Variants in MTHFD2L observed in about 807,000 individuals in gnomAD.
MTHFD2L encodes methylenetetrahydrofolate dehydrogenase (NADP+ dependent) 2 like.
MTHFD2L carries 29 observed loss-of-function variants against 34.9 expected under a neutral mutation model. The ratio of observed to expected loss-of-function variants is 0.83; its 90% CI spans 0.62 to 1.13. MTHFD2L has a LOEUF of 1.13. Ranked by LOEUF, MTHFD2L falls within the 50% of genes most tolerant of loss-of-function variation. The pLI is 0.00. For synonymous variants in MTHFD2L, 167 were observed against 155.7 expected (o/e 1.07, Z -0.54); for missense variants, 481 against 446.5 (o/e 1.08, Z -0.70).
At chr4:74,167,454 A>G (rs1245806086) in intron 1 of MTHFD2L, among the ~76,000 whole-genome samples, 1 of 152,260 alleles carries the variant, frequency 6.6e-6, no homozygotes, top group Non-Finnish European at 1.5e-5. Flanking sequence ...ATGGAGAGCT[A>G]CAGGCTGCCT....
Position 74,281,519 on chromosome 4 carries a change from G to A in MTHFD2L, c.900G>A (p.Lys300=), listed in dbSNP as rs765368494. ...ATGTCCACGATCCAGTGACAGGAAA[G>A]ACAAAATTAGTTGGAGATGTGGACT... ...INYVHDPVTG[K]TKLVGDVDFE... Residue 300 remains lysine (K), a synonymous_variant, in exon 7 of 8, where the codon AAG becomes AAA. Coordinates refer to ENST00000325278, the MANE Select transcript of MTHFD2L (RefSeq NM_001144978.3). 6.2e-7 allele frequency: 1 copy of A among 1,612,484 alleles called. No individual in the cohort carries two copies. Among genetic ancestry groups the A allele is most frequent in the Non-Finnish European group, 8.5e-7 (1 of 1,179,114 alleles).
intron 4 of MTHFD2L, 53 bp from the exon 5 acceptor site, chr4:74,201,202 CAAATGTTT>C: frequency 7.8e-7 from 1 of 1,280,830 alleles, no homozygotes; most frequent in Non-Finnish European, 1.1e-6. Flanking sequence ...GTTGGCTGTA[CAAATGTTT>C]AATTTACTTC....
At position 74,301,692 on chromosome 4, in the gene MTHFD2L, A is replaced by C. The variant is rs1471269306; in HGVS notation, c.932-5A>C. ...GAATATCTGTTTGTTTTTTTTCCTC[A>C]TCAGCTGTTAAAAAGAAAGCTGGCT... On this transcript the variant is annotated splice_region_variant and splice_polypyrimidine_tract_variant and intron_variant, in intron 7 of 7. Coordinates refer to ENST00000325278, the MANE Select transcript of MTHFD2L (RefSeq NM_001144978.3). 1 of 1,552,126 alleles carries C rather than the reference A, an allele frequency of 6.4e-7. No individual in the cohort carries two copies. Among genetic ancestry groups the C allele is most frequent in the Non-Finnish European group, 8.7e-7 (1 of 1,148,762 alleles).
At chr4:74,148,329 A>G (rs116803815) in intron 1 of MTHFD2L, among the ~76,000 whole-genome samples, 2,408 of 148,774 alleles carry the variant, frequency 0.016, 39 homozygotes, top group Non-Finnish European at 0.027. Context: ...CCCCTTTTTT[A>G]TTGCCTTTTC....
At chr4:74,301,616 C>A in intron 7 of MTHFD2L, 81 bp from the exon 8 acceptor site, 1 of 786,620 alleles carries the variant, frequency 1.3e-6, no homozygotes, top group Non-Finnish European at 2.0e-6. Context: ...TGAAGAATCA[C>A]TATATTCAGC....
chr4:74,204,639 G>A (rs1734990910), intron 5 of MTHFD2L, among the ~76,000 whole-genome samples: 3 of 151,854 alleles, frequency 2.0e-5, no homozygotes, highest in Non-Finnish European at 4.4e-5. Flanking sequence ...TTTTTAATAG[G>A]TATCAATATA....
At chr4:74,282,228 A>G (rs956665752) in intron 7 of MTHFD2L, among the ~76,000 whole-genome samples, 2 of 152,052 alleles carry the variant, frequency 1.3e-5, no homozygotes, top group African/African-American at 4.8e-5. Context: ...TATCTTTGTC[A>G]TATATTTACC....
At chr4:74,175,478 A>G in intron 3 of MTHFD2L, 75 bp downstream of exon 3, 1 of 1,391,286 alleles carries the variant, frequency 7.2e-7, no homozygotes, top group Non-Finnish European at 9.8e-7. Context: ...TCATATTATG[A>G]TACTGCAAGT....
At position 74,158,281 on chromosome 4, in the gene MTHFD2L, G is replaced by A; in HGVS notation, c.143G>A (p.Arg48Lys). The change falls in exon 1 of 8, where the codon AGA (arginine) becomes AAA (lysine). Residue 48 changes from arginine to lysine, a missense_variant and splice_region_variant. Physicochemically the swap from Arg to Lys is conservative, Grantham distance 26. Transcript: ENST00000325278. ...AFRGFRSSGVRHEAIIISGTE... is the reference protein window; with the variant it reads ...AFRGFRSSGVKHEAIIISGTE... ...CGGGGCTTTCGGAGCAGCGGTGTGA[G>A]GTACGAGGGCTGCGGGCGCCGGGTG... is the stretch of plus-strand genomic sequence containing the variant. 3 of 1,379,152 alleles carry A rather than the reference G, an allele frequency of 2.2e-6. No homozygotes were observed. Among genetic ancestry groups the A allele is most frequent in the Non-Finnish European group, 2.8e-6 (3 of 1,067,750 alleles). 85.4% of individuals were successfully genotyped at this position (1,379,152 alleles called of 1,614,324 possible). A position where few individuals can be genotyped will look rare whatever the true frequency, so the allele number is the denominator to read the frequency against.
chr4:74,273,043 T>C (rs1368438827), intron 6 of MTHFD2L, among the ~76,000 whole-genome samples: 1 of 152,174 alleles, frequency 6.6e-6, no homozygotes, highest in Non-Finnish European at 1.5e-5. Flanking sequence ...GTATTACGCC[T>C]TTTTATCCAG....
At chr4:74,131,944 T>G (rs1426664386) in intron 1 of MTHFD2L, among the ~76,000 whole-genome samples, 2 of 152,188 alleles carry the variant, frequency 1.3e-5, no homozygotes, top group African/African-American at 4.8e-5. Flanking sequence ...CAGACACTTC[T>G]TAAAAGAAGA....
intron 5 of MTHFD2L, among the ~76,000 whole-genome samples, chr4:74,218,524 A>G (rs1228962638): frequency 1.3e-5 from 2 of 152,108 alleles, no homozygotes; most frequent in Non-Finnish European, 2.9e-5. Flanking sequence ...AGGGATTTAT[A>G]GGATCATTTA....
chr4:74,290,887 G>T (rs1269574496), intron 7 of MTHFD2L, among the ~76,000 whole-genome samples: 1 of 150,198 alleles, frequency 6.7e-6, no homozygotes, highest in African/African-American at 2.5e-5. Flanking sequence ...GGTTTAATTT[G>T]CCTTACTCAT....
intron 3 of MTHFD2L, among the ~76,000 whole-genome samples, chr4:74,197,146 T>A (rs1370728860): frequency 2.6e-4 from 40 of 152,126 alleles, no homozygotes; most frequent in Admixed American, 2.6e-3. Flanking sequence ...ATAAAACCAG[T>A]TTTATCATTC....
intron 7 of MTHFD2L, among the ~76,000 whole-genome samples, chr4:74,283,205 A>G (rs6835734): frequency 0.33 from 49,525 of 152,070 alleles, 10,123 homozygotes; most frequent in African/African-American, 0.59. Flanking sequence ...TCAGTCCAGC[A>G]CATTTTACAA....
At chr4:74,222,676 G>A (rs936671411) in intron 5 of MTHFD2L, among the ~76,000 whole-genome samples, 2 of 151,982 alleles carry the variant, frequency 1.3e-5, no homozygotes, top group African/African-American at 4.8e-5. Context: ...CAGTCCTTTT[G>A]CTAGTTTCCT....
At chr4:74,228,157 C>A (rs1198562194) in intron 6 of MTHFD2L, among the ~76,000 whole-genome samples, 1 of 152,142 alleles carries the variant, frequency 6.6e-6, no homozygotes, top group Non-Finnish European at 1.5e-5. Context: ...TTTTGAACTG[C>A]ATTGACAGAA....
intron 5 of MTHFD2L, among the ~76,000 whole-genome samples, chr4:74,212,941 T>C (rs912054939): frequency 6.6e-6 from 1 of 152,202 alleles, no homozygotes; most frequent in African/African-American, 2.4e-5. Context: ...CCTTTGCTAT[T>C]ATGTAATGCC....
At chr4:74,178,358 AATAGTC>A (rs1729454874) in intron 3 of MTHFD2L, among the ~76,000 whole-genome samples, 1 of 152,142 alleles carries the variant, frequency 6.6e-6, no homozygotes, top group Admixed American at 6.6e-5. Context: ...AAAGTATTAA[AATAGTC>A]ATAGTTTTCA....
Sources: gnomAD v4.1 joint callset for allele counts (sites outside exome capture counted in the v4.1 genomes callset) on GRCh38, gnomAD v4.1.1 for gene constraint, MANE v1.5 for transcripts, NCBI Gene and HGNC (gene_info 2026-07-23, HGNC 2026-07-21) for gene names.